Variants in ZNF439 observed in about 807,000 individuals in gnomAD.
ZNF439 encodes the protein zinc finger protein 439.
A neutral mutation model predicts 47.3 loss-of-function variants in ZNF439; 40 were observed. The observed-to-expected ratio is 0.85, with a 90% CI of 0.66 to 1.10. ZNF439 has a LOEUF of 1.10. Among genes scored for constraint, ZNF439 ranks in the 50% least tolerant of loss-of-function variants. The probability of loss-of-function intolerance (pLI) is 0.00; values close to 1 mark genes in which losing one functional copy is unlikely to be tolerated. For missense variants in ZNF439, 556 were observed against 601.1 expected (o/e 0.93, Z 0.78); for synonymous variants, 171 against 198.8 (o/e 0.86, Z 1.18).
chr19:11,862,459 G>A (rs1010414225), intron 1 of ZNF439, among the ~76,000 whole-genome samples: 1 of 151,294 alleles, frequency 6.6e-6, no homozygotes, highest in African/African-American at 2.4e-5. Context: ...TTCTAATTTT[G>A]GCAGTTATGA....
intron 1 of ZNF439, chr19:11,865,919 C>T (rs1297545495): frequency 8.1e-6 from 6 of 745,286 alleles, no homozygotes; most frequent in Admixed American, 4.3e-5. Flanking sequence ...CCCAGCTACT[C>T]GGGAGGCTGA....
At chr19:11,855,281 T>C (rs1976354983) in intron 1 of ZNF439, among the ~76,000 whole-genome samples, 1 of 152,214 alleles carries the variant, frequency 6.6e-6, no homozygotes, top group South Asian at 2.1e-4. Context: ...TAGATTGTTT[T>C]CTATGGGCCA....
intron 1 of ZNF439, among the ~76,000 whole-genome samples, chr19:11,860,213 G>A (rs754477375): frequency 5.9e-4 from 89 of 152,084 alleles, no homozygotes; most frequent in Non-Finnish European, 1.1e-3. Flanking sequence ...AGGCCGAGGC[G>A]GGTGGATCAT....
chr19:11,868,449 C>T lies in ZNF439; in HGVS notation c.1395C>T (p.His465=). 1.2e-6 allele frequency: 2 copies of T among 1,613,928 alleles called. No individual in the cohort carries two copies. The highest frequency in any genetic ancestry group is 1.7e-6 in the Non-Finnish European group (2 of 1,180,010). ...AACTTCGAATCCATCGTAGGATTCA[C>T]ACTGGAGAGAAACCCTATGAATGTA... is the stretch of plus-strand genomic sequence containing the variant. ...ASQLRIHRRI[H]TGEKPYECKK... The change falls in exon 4 of 4, where the codon CAC becomes CAT. Residue 465 remains histidine, a synonymous_variant. Transcript: ENST00000682736.
rs772083513 is a variant in ZNF439, at chr19:11,867,670, A to G, written c.616A>G (p.Ile206Val). 1.7e-5 allele frequency: 27 copies of G among 1,614,078 alleles called. No individual in the cohort carries two copies. In the African/African-American group the frequency reaches 2.5e-4, roughly 15 times the overall value. ...AAAAAACATTATTTACCATTCAAGCATTCAAAGACACATGGTAGTGCACAG... is the reference window on the plus strand; with the variant it reads ...AAAAAACATTATTTACCATTCAAGCGTTCAAAGACACATGGTAGTGCACAG... ...CGKNIIYHSS[I>V]QRHMVVHSGD... Residue 206 changes from isoleucine to valine, a missense_variant, in exon 4 of 4, where the codon ATT becomes GTT. Ile to Val is a conservative substitution (Grantham distance 29). Coordinates refer to ENST00000682736, the MANE Select transcript of ZNF439 (RefSeq NM_001348719.2).
At chr19:11,856,846 A>G (rs1191299359) in intron 1 of ZNF439, 1 of 152,244 alleles carries the variant, frequency 6.6e-6, no homozygotes, top group Non-Finnish European at 1.5e-5. Flanking sequence ...GTGAGAGCAA[A>G]TATGAGAAAT....
chr19:11,867,859 C>T lies in ZNF439; in HGVS notation c.805C>T (p.His269Tyr). 3 of 1,613,818 alleles carry T rather than the reference C, an allele frequency of 1.9e-6. No individual in the cohort carries two copies. Among genetic ancestry groups the T allele is most frequent in the South Asian group, 1.1e-5 (1 of 91,064 alleles). Residue 269 changes from histidine (H) to tyrosine (Y), a missense_variant, in exon 4 of 4, where the codon CAC (histidine) becomes TAC (tyrosine). His to Tyr is a moderately conservative substitution (Grantham distance 83, BLOSUM62 2). Coordinates refer to ENST00000682736, the MANE Select transcript of ZNF439 (RefSeq NM_001348719.2). ...SATHRIHERT[H>Y]IGEKPYECQE... ...TACCCATCGAATACATGAAAGAACT[C>T]ACATTGGAGAAAAGCCTTATGAATG...
rs34655587 is a variant in ZNF439, at chr19:11,863,152, C to CTTTTTTTTTT, written c.64-3041_64-3032dup. Among the ~76,000 whole-genome samples, 4 of 90,058 alleles carry CTTTTTTTTTT rather than the reference C, an allele frequency of 4.4e-5. 1 individual carries two copies. Among genetic ancestry groups the CTTTTTTTTTT allele is most frequent in the Non-Finnish European group, 4.4e-5 (2 of 45,596 alleles). The allele number at this position is 90,058 out of a possible 152,430, so 59.1% of individuals were successfully genotyped here. ...GAGAGGTATGCTTGGAAAGATTTTG[C>CTTTTTTTTTT]TTTTTTTTTTTTTTTTTTTTTGAGT... On this transcript the variant is annotated intron_variant, in intron 1 of 3. Transcript: ENST00000682736.
chr19:11,857,969 T>C (rs1259515030), intron 1 of ZNF439: 1 of 152,186 alleles, frequency 6.6e-6, no homozygotes, highest in Non-Finnish European at 1.5e-5. Flanking sequence ...ATCCATGAAA[T>C]GAATGATGTG....
chr19:11,863,454 C>T (rs1429980171), intron 1 of ZNF439, among the ~76,000 whole-genome samples: 2 of 152,072 alleles, frequency 1.3e-5, no homozygotes, highest in Non-Finnish European at 2.9e-5. Context: ...GCCACCATGC[C>T]CGGCCTTTTT....
At chr19:11,856,879 C>T (rs544240168) in intron 1 of ZNF439, 3 of 152,338 alleles carry the variant, frequency 2.0e-5, no homozygotes, top group East Asian at 3.9e-4. Flanking sequence ...AGCATGAGAG[C>T]GAACAGCTTG....
At chr19:11,853,648 TTA>T (rs1471059288) in intron 1 of ZNF439, among the ~76,000 whole-genome samples, 1 of 152,166 alleles carries the variant, frequency 6.6e-6, no homozygotes, top group East Asian at 1.9e-4. Flanking sequence ...AGTTCACTGT[TTA>T]TCATATAGCC....
At chr19:11,865,940 G>T (rs1976666830) in intron 1 of ZNF439, 3 of 1,001,082 alleles carry the variant, frequency 3.0e-6, no homozygotes, top group Non-Finnish European at 3.9e-6. Flanking sequence ...GGCAGAAGAA[G>T]CACTTGAACC....
In ZNF439 at chr19:11,868,105, A is replaced by C; in HGVS notation, c.1051A>C (p.Arg351=). ...SSLTSFQTHI[R]MHSGERPYEC... is the part of the protein sequence containing the mutation. The stretch of plus-strand genomic sequence containing the variant: ...TCTTACAAGTTTTCAAACACACATA[A>C]GAATGCACTCTGGAGAAAGACCTTA... Residue 351 remains arginine, a synonymous_variant, in exon 4 of 4, where the codon AGA becomes CGA. Transcript: ENST00000682736. 6.2e-7 allele frequency: 1 copy of C among 1,614,238 alleles called. No individual in the cohort carries two copies. The highest frequency in any genetic ancestry group is 8.5e-7 in the Non-Finnish European group (1 of 1,180,036).
Position 11,867,713 on chromosome 19 carries a change from A to C in ZNF439, c.659A>C (p.Lys220Thr). 1 of 1,614,208 alleles carries C rather than the reference A, an allele frequency of 6.2e-7. No homozygotes were observed. Among genetic ancestry groups the C allele is most frequent in the Non-Finnish European group, 8.5e-7 (1 of 1,180,018 alleles). ...MVVHSGDGPYKCKFCGKAFHC... is the reference protein window; with the variant it reads ...MVVHSGDGPYTCKFCGKAFHC... The stretch of plus-strand genomic sequence containing the variant: ...GTGCACAGTGGGGATGGACCTTATA[A>C]ATGTAAGTTTTGTGGGAAAGCATTC... The change falls in exon 4 of 4, where the codon AAA becomes ACA. Residue 220 changes from lysine to threonine, a missense_variant. Lys to Thr is a moderately conservative substitution (Grantham distance 78). Coordinates refer to ENST00000682736, the MANE Select transcript of ZNF439 (RefSeq NM_001348719.2).
Position 11,848,771 on chromosome 19 carries a change from T to C in ZNF439, c.-97T>C. On this transcript the variant is annotated 5_prime_UTR_variant, in exon 1 of 4. Transcript: ENST00000682736. ...GGATGTTGCATTCCTGCCGTCACCT[T>C]TGTCGCTGCGAGGGCGGCGGTTGGG... is the stretch of plus-strand genomic sequence containing the variant. 1 of 1,318,616 alleles carries C rather than the reference T, an allele frequency of 7.6e-7. No individual in the cohort carries two copies. The highest frequency in any genetic ancestry group is 9.9e-7 in the Non-Finnish European group (1 of 1,011,782). The allele number at this position is 1,318,616 out of a possible 1,614,324, so 81.7% of individuals were successfully genotyped here.
At chr19:11,856,985 A>C (rs564256039) in intron 1 of ZNF439, 1 of 152,348 alleles carries the variant, frequency 6.6e-6, no homozygotes, top group South Asian at 2.1e-4. Context: ...ACATAGGCTG[A>C]ATCACAGACA....
chr19:11,858,345 A>G (rs1976445754), intron 1 of ZNF439: 1 of 151,944 alleles, frequency 6.6e-6, no homozygotes, highest in Non-Finnish European at 1.5e-5. Flanking sequence ...AGGCACCTGT[A>G]GTCCCAGCTA....
chr19:11,854,335 G>A (rs1197084562), intron 1 of ZNF439, among the ~76,000 whole-genome samples: 1 of 152,196 alleles, frequency 6.6e-6, no homozygotes, highest in Non-Finnish European at 1.5e-5. Flanking sequence ...AAGGCTCTAC[G>A]GGCACGATGA....
Sources: gnomAD v4.1 joint callset for allele counts (sites outside exome capture counted in the v4.1 genomes callset) on GRCh38, gnomAD v4.1.1 for gene constraint, MANE v1.5 for transcripts, NCBI Gene and HGNC (gene_info 2026-07-23, HGNC 2026-07-21) for gene names.